The following COL11A1 variants were observed in gnomAD, a reference collection of about 807,000 sequenced individuals.
The protein encoded by COL11A1 is collagen type XI alpha 1 chain, also known as collagen alpha-1(XI) chain.
A neutral mutation model predicts 265.2 loss-of-function variants in COL11A1; 74 were observed. That is an observed-to-expected ratio of 0.28 (90% CI 0.23 to 0.34). COL11A1 has a LOEUF of 0.34. Among genes scored for constraint, COL11A1 ranks in the 10% least tolerant of loss-of-function variants. The pLI, the probability that COL11A1 is intolerant of heterozygous loss-of-function variation, is 1.00. For synonymous variants in COL11A1, 816 were observed against 727.6 expected (o/e 1.12, Z -1.96); for missense variants, 2,165 against 2,263.6 (o/e 0.96, Z 0.88).
intron 25 of COL11A1, among the ~76,000 whole-genome samples, 155 bp from the exon 26 acceptor site, chr1:102,997,279 T>A (rs1664722581): frequency 6.6e-6 from 1 of 152,030 alleles, no homozygotes; most frequent in Admixed American, 6.6e-5. Context: ...TGGCTTTAAA[T>A]AAATTGGAAA....
At position 103,027,396 on chromosome 1, in the gene COL11A1, A is replaced by AATAT. The variant is rs57013059; in HGVS notation, c.781-1068_781-1065dup. Among the ~76,000 whole-genome samples, 665 of 91,798 alleles carry AATAT rather than the reference A, an allele frequency of 7.2e-3. 12 individuals carry two copies. Among genetic ancestry groups the AATAT allele is most frequent in the African/African-American group, 9.5e-3 (205 of 21,644 alleles). The allele number at this position is 91,798 out of a possible 152,430, so 60.2% of individuals were successfully genotyped here. A position where few individuals can be genotyped will look rare whatever the true frequency, so the allele number is the denominator to read the frequency against. ...AGTAAACTCAACAAGTTAAAACTCT[A>AATAT]ATATATATATATATATATATATATA... On this transcript the variant is annotated intron_variant, in intron 5 of 66. Coordinates refer to ENST00000370096, the MANE Select transcript of COL11A1 (RefSeq NM_001854.4).
At chr1:102,933,289 T>C (rs1196541758) in intron 46 of COL11A1, among the ~76,000 whole-genome samples, 1 of 126,224 alleles carries the variant, frequency 7.9e-6, no homozygotes, top group African/African-American at 2.9e-5. Flanking sequence ...GTCCTTTCTG[T>C]TTGTTAGTTT....
intron 41 of COL11A1, among the ~76,000 whole-genome samples, chr1:102,955,583 T>C (rs1409257849): frequency 1.3e-5 from 2 of 152,184 alleles, no homozygotes; most frequent in Admixed American, 1.3e-4. Flanking sequence ...TTTAATCTCA[T>C]TTTTAGATAA....
intron 4 of COL11A1, among the ~76,000 whole-genome samples, chr1:103,035,523 G>A (rs1240761992): frequency 6.6e-6 from 1 of 151,858 alleles, no homozygotes; most frequent in Non-Finnish European, 1.5e-5. Flanking sequence ...CTCAGATTGT[G>A]CTATATTTAT....
chr1:102,984,392 T>C (rs1329858834), intron 30 of COL11A1, among the ~76,000 whole-genome samples: 2 of 152,100 alleles, frequency 1.3e-5, no homozygotes, highest in Non-Finnish European at 2.9e-5. Flanking sequence ...TCTAATGTTA[T>C]AATGTTGCCT....
intron 38 of COL11A1, 118 bp from the exon 39 acceptor site, chr1:102,962,878 G>A: frequency 3.4e-6 from 3 of 888,042 alleles, no homozygotes; most frequent in African/African-American, 1.7e-5. Context: ...TTATTCTCAT[G>A]ATGTCCTACA....
chr1:102,907,230 G>A (rs1435789155), intron 54 of COL11A1, among the ~76,000 whole-genome samples: 1 of 151,946 alleles, frequency 6.6e-6, no homozygotes, highest in Non-Finnish European at 1.5e-5. Context: ...AAAGTGACTA[G>A]AATGGATTAA....
chr1:102,968,982 T>C (rs1468216813), intron 37 of COL11A1, among the ~76,000 whole-genome samples: 1 of 152,192 alleles, frequency 6.6e-6, no homozygotes, highest in Non-Finnish European at 1.5e-5. Flanking sequence ...TACAATGACT[T>C]CATTAAAAAT....
At chr1:102,924,275 A>C (rs1232717203) in intron 46 of COL11A1, among the ~76,000 whole-genome samples, 2 of 152,160 alleles carry the variant, frequency 1.3e-5, no homozygotes, top group Non-Finnish European at 2.9e-5. Flanking sequence ...ATTGCACTGT[A>C]ACTGATATTT....
At position 103,062,748 on chromosome 1, in the gene COL11A1, T is replaced by C. The variant is rs1222148883; in HGVS notation, c.651+11870A>G. On this transcript the variant is annotated intron_variant, in intron 4 of 66. Coordinates refer to ENST00000370096, the MANE Select transcript of COL11A1 (RefSeq NM_001854.4). Reference sequence around the variant, plus strand: ...TCTACATCATACTGGGAGTCCTAGTTGATGCAGTAAGACAAGAAAAGGAAA... The same window carrying C: ...TCTACATCATACTGGGAGTCCTAGTCGATGCAGTAAGACAAGAAAAGGAAA... Among the ~76,000 whole-genome samples, 3 of 151,946 alleles carry C rather than the reference T, an allele frequency of 2.0e-5. No homozygotes were observed. The South Asian group carries it at 6.2e-4, about 31-fold the overall frequency.
At chr1:103,070,449 G>A (rs984812691) in intron 4 of COL11A1, among the ~76,000 whole-genome samples, 3 of 151,644 alleles carry the variant, frequency 2.0e-5, no homozygotes, top group East Asian at 3.9e-4. Context: ...GTTAAAACGA[G>A]TTAAGTTAAA....
chr1:103,044,292 T>G (rs1010789243), intron 4 of COL11A1, among the ~76,000 whole-genome samples: 1 of 152,044 alleles, frequency 6.6e-6, no homozygotes, highest in African/African-American at 2.4e-5. Flanking sequence ...AGAGATTGCA[T>G]TTGAACCATA....
chr1:103,012,583 T>C (rs1212678707), intron 13 of COL11A1, 114 bp from the exon 14 acceptor site: 1 of 785,968 alleles, frequency 1.3e-6, no homozygotes, highest in East Asian at 2.7e-5. Flanking sequence ...ACAGATTTAA[T>C]AACTACATGC....
At chr1:102,929,597 AC>A (rs1199566482) in intron 46 of COL11A1, among the ~76,000 whole-genome samples, 1 of 151,916 alleles carries the variant, frequency 6.6e-6, no homozygotes, top group Non-Finnish European at 1.5e-5. Flanking sequence ...TTCCATATGA[AC>A]TTTAAAGTAG....
At chr1:102,903,365 G>GT (rs1653479059) in intron 54 of COL11A1, among the ~76,000 whole-genome samples, 1 of 151,850 alleles carries the variant, frequency 6.6e-6, no homozygotes, top group Admixed American at 6.6e-5. Flanking sequence ...TCATTCATGC[G>GT]TAAGATTCAA....
chr1:103,009,761 A>C (rs1290004559), intron 14 of COL11A1, among the ~76,000 whole-genome samples: 2 of 152,182 alleles, frequency 1.3e-5, no homozygotes, highest in Non-Finnish European at 2.9e-5. Flanking sequence ...ACTCCAAAGT[A>C]AAAGAAATAT....
At chr1:103,083,786 G>A (rs1042755037) in intron 1 of COL11A1, among the ~76,000 whole-genome samples, 1 of 152,108 alleles carries the variant, frequency 6.6e-6, no homozygotes, top group African/African-American at 2.4e-5. Flanking sequence ...GAAAGTCCCT[G>A]GAGATGAGTA....
At chr1:102,888,494 G>T in intron 62 of COL11A1, 83 bp downstream of exon 62, 2 of 1,329,284 alleles carry the variant, frequency 1.5e-6, no homozygotes, top group African/African-American at 1.4e-5. Flanking sequence ...TGTGCTTTTT[G>T]TCTATCTTAT....
At chr1:103,083,618 T>C (rs1244767918) in intron 1 of COL11A1, among the ~76,000 whole-genome samples, 1 of 152,186 alleles carries the variant, frequency 6.6e-6, no homozygotes, top group African/African-American at 2.4e-5. Context: ...CCTTTTTCAG[T>C]GCTTTCCTGA....
Sources: allele counts gnomAD v4.1 joint callset (sites outside exome capture counted in the v4.1 genomes callset), GRCh38; gene constraint gnomAD v4.1.1; transcripts MANE v1.5; gene names NCBI Gene and HGNC (gene_info 2026-07-23, HGNC 2026-07-21).